CRISP2: variants seen among roughly 807,000 people sequenced by gnomAD.
CRISP2 encodes cysteine-rich secretory protein 2.
A neutral mutation model predicts 31.7 loss-of-function variants in CRISP2; 29 were observed. The ratio of observed to expected loss-of-function variants is 0.92; its 90% CI spans 0.68 to 1.25. The LOEUF is 1.25. Among genes scored for constraint, CRISP2 ranks in the 50% most tolerant of loss-of-function variants. The pLI, the probability that CRISP2 is intolerant of heterozygous loss-of-function variation, is 0.00. For missense variants in CRISP2, 318 were observed against 286.5 expected (o/e 1.11, Z -0.79); for synonymous variants, 111 against 101.4 (o/e 1.09, Z -0.57).
At chr6:49,702,156 T>TACATTATATATATGTGTAC (rs1561879159) in intron 4 of CRISP2, among the ~76,000 whole-genome samples, 3 of 66,264 alleles carry the variant, frequency 4.5e-5, no homozygotes, top group Admixed American at 2.9e-4. Flanking sequence ...TATATATATA[T>TACATTATATATATGTGTAC]ATATATATAT....
chr6:49,683,915 T>C, the CRISP2 span, among the ~76,000 whole-genome samples: 1 of 151,734 alleles, frequency 6.6e-6, no homozygotes, highest in African/African-American at 2.4e-5. Context: ...AGTTTGAATA[T>C]ATTTTTCATT....
At chr6:49,704,036 G>A (rs1766566049) in intron 4 of CRISP2, among the ~76,000 whole-genome samples, 1 of 151,924 alleles carries the variant, frequency 6.6e-6, no homozygotes, top group African/African-American at 2.4e-5. Flanking sequence ...CTTCTTGGAG[G>A]CTTTGTTCAT....
intron 4 of CRISP2, among the ~76,000 whole-genome samples, chr6:49,705,459 G>T (rs1488003477): frequency 6.6e-6 from 1 of 152,138 alleles, no homozygotes; most frequent in Non-Finnish European, 1.5e-5. Flanking sequence ...AGAGACTAAG[G>T]AGGGCTTTCA....
chr6:49,707,093 T>A (rs912063707), intron 4 of CRISP2, among the ~76,000 whole-genome samples: 1 of 152,174 alleles, frequency 6.6e-6, no homozygotes, highest in Non-Finnish European at 1.5e-5. Context: ...CTTTTTGCTT[T>A]GTAGATAAAA....
chr6:49,701,916 T>TTATTA, intron 4 of CRISP2, among the ~76,000 whole-genome samples: 1 of 13,612 alleles, frequency 7.3e-5, no homozygotes, highest in Non-Finnish European at 1.1e-4. Context: ...GTATTATATA[T>TTATTA]TATATTATAT....
In CRISP2 at chr6:49,699,803, C is replaced by T. The variant is rs748970962; in HGVS notation, c.271+1G>A. Reference sequence around the variant, plus strand: ...CAACAAATATTTACTAATTTACATACTGGTTTTGCGGTCCTCTGGATCACT... The same window carrying T: ...CAACAAATATTTACTAATTTACATATTGGTTTTGCGGTCCTCTGGATCACT... On this transcript the variant is annotated splice_donor_variant, in intron 6 of 9. Coordinates refer to ENST00000339139, the MANE Select transcript of CRISP2 (RefSeq NM_003296.4). LOFTEE classifies it high-confidence loss of function. 1 of 1,602,128 alleles carries T rather than the reference C, an allele frequency of 6.2e-7. No individual in the cohort carries two copies. The highest frequency in any genetic ancestry group is 8.5e-7 in the Non-Finnish European group (1 of 1,170,382).
At chr6:49,684,964 ACT>A in the CRISP2 span, among the ~76,000 whole-genome samples, 1 of 151,940 alleles carries the variant, frequency 6.6e-6, no homozygotes, top group Non-Finnish European at 1.5e-5. Flanking sequence ...CCCTTTTGTT[ACT>A]CTCTACTCCA....
intron 4 of CRISP2, 21 bp downstream of exon 4, chr6:49,709,110 G>T (rs2127434525): frequency 1.9e-6 from 3 of 1,610,280 alleles, no homozygotes; most frequent in Non-Finnish European, 2.5e-6. Flanking sequence ...GCTCTGAAAA[G>T]ATTTTCCATT....
chr6:49,681,122 T>A, the CRISP2 span, among the ~76,000 whole-genome samples: 1 of 152,322 alleles, frequency 6.6e-6, no homozygotes, highest in South Asian at 2.1e-4. Context: ...TTTTTATAGT[T>A]TTGGGTTTTA....
upstream of CRISP2, chr6:49,713,606 G>A (rs907746314): frequency 6.6e-6 from 1 of 152,174 alleles, no homozygotes; most frequent in African/African-American, 2.4e-5. Flanking sequence ...ACGTCACTGG[G>A]CTTTATGCTT....
intron 4 of CRISP2, among the ~76,000 whole-genome samples, chr6:49,704,241 A>G (rs957273865): frequency 9.2e-5 from 14 of 151,524 alleles, no homozygotes; most frequent in Non-Finnish European, 1.2e-4. Flanking sequence ...TTTTCTGGAA[A>G]TTTTTTCATT....
the CRISP2 span, among the ~76,000 whole-genome samples, chr6:49,682,561 C>CTCTTTCTTTT: frequency 1.4e-3 from 145 of 105,902 alleles, 1 homozygote; most frequent in Non-Finnish European, 2.0e-3. Flanking sequence ...CTCCATCTTT[C>CTCTTTCTTTT]TCTTTCTTTC....
At chr6:49,697,234 C>G (rs537772417) in intron 8 of CRISP2, among the ~76,000 whole-genome samples, 2 of 152,172 alleles carry the variant, frequency 1.3e-5, no homozygotes, top group South Asian at 4.2e-4. Context: ...AATGAAGAAG[C>G]ATGTTTACTG....
chr6:49,687,827 C>T (rs1401749696), downstream of CRISP2, among the ~76,000 whole-genome samples: 1 of 152,184 alleles, frequency 6.6e-6, no homozygotes, highest in Non-Finnish European at 1.5e-5. Context: ...AACCTTGCTT[C>T]AGTTCCACTG....
chr6:49,701,500 G>GTATATATATATATATATA (rs1165518459), intron 4 of CRISP2, among the ~76,000 whole-genome samples: 2 of 46,556 alleles, frequency 4.3e-5, no homozygotes, highest in African/African-American at 2.1e-4. Flanking sequence ...GTGTGTGTGT[G>GTATATATATATATATATA]TATATATATA....
chr6:49,698,978 G>T (rs1765213422), intron 6 of CRISP2, among the ~76,000 whole-genome samples: 1 of 151,998 alleles, frequency 6.6e-6, no homozygotes, highest in African/African-American at 2.4e-5. Context: ...CCAATCAAGA[G>T]AAAACTGACA....
chr6:49,698,847 T>C (rs1279660973), intron 6 of CRISP2, among the ~76,000 whole-genome samples: 1 of 152,136 alleles, frequency 6.6e-6, no homozygotes, highest in Non-Finnish European at 1.5e-5. Flanking sequence ...CCAACTCTTA[T>C]ATTCTGTTTT....
chr6:49,682,595 CTTTCTTTCTTTCTTTCTTTCT>C, the CRISP2 span, among the ~76,000 whole-genome samples: 6 of 64,508 alleles, frequency 9.3e-5, no homozygotes, highest in Non-Finnish European at 1.6e-4. Context: ...CTTTTTCTTT[CTTTCTTTCTTTCTTTCTTTCT>C]TTCTTTCTTT....
At chr6:49,711,977 A>G (rs1184699569) in intron 2 of CRISP2, among the ~76,000 whole-genome samples, 1 of 152,240 alleles carries the variant, frequency 6.6e-6, no homozygotes, top group Non-Finnish European at 1.5e-5. Context: ...TGTTGAGCTC[A>G]TAAGAGCTTT....
Sources: gnomAD v4.1 joint callset for allele counts (sites outside exome capture counted in the v4.1 genomes callset) on GRCh38, gnomAD v4.1.1 for gene constraint, MANE v1.5 for transcripts, NCBI Gene and HGNC (gene_info 2026-07-23, HGNC 2026-07-21) for gene names.